Variants in EXOC6B observed in about 807,000 individuals in gnomAD.
EXOC6B encodes SEC15 homolog B.
In EXOC6B, 54 loss-of-function variants were observed where a neutral mutation model predicts 113.5. That is an observed-to-expected ratio of 0.48 (90% CI 0.38 to 0.60). The LOEUF (loss-of-function observed/expected upper bound fraction) is 0.60. Among genes scored for constraint, EXOC6B ranks in the 20% least tolerant of loss-of-function variants. The pLI, the probability that EXOC6B is intolerant of heterozygous loss-of-function variation, is 0.00. For synonymous variants in EXOC6B, 357 were observed against 339.0 expected (o/e 1.05, Z -0.58); for missense variants, 797 against 977.5 (o/e 0.82, Z 2.46).
intron 20 of EXOC6B, among the ~76,000 whole-genome samples, chr2:72,211,023 C>A (rs986300609): frequency 1.3e-5 from 2 of 152,184 alleles, no homozygotes; most frequent in African/African-American, 4.8e-5. Flanking sequence ...TCCCTCCAGG[C>A]AGCCACAGCT....
intron 20 of EXOC6B, among the ~76,000 whole-genome samples, chr2:72,329,157 T>C (rs1688296320): frequency 6.6e-6 from 1 of 152,086 alleles, no homozygotes; most frequent in African/African-American, 2.4e-5. Context: ...CCCTGCTACC[T>C]ACCCCCACAC....
chr2:72,330,711 G>C (rs1233929153), intron 20 of EXOC6B, among the ~76,000 whole-genome samples: 1 of 152,024 alleles, frequency 6.6e-6, no homozygotes, highest in Non-Finnish European at 1.5e-5. Context: ...CTCAACTAGA[G>C]TGTAAATTGG....
At chr2:72,752,155 C>G (rs1310914781) in intron 1 of EXOC6B, among the ~76,000 whole-genome samples, 1 of 152,128 alleles carries the variant, frequency 6.6e-6, no homozygotes, top group Non-Finnish European at 1.5e-5. Flanking sequence ...CTACAACTGC[C>G]TTTCACAATA....
At chr2:72,378,221 A>T (rs1691471681) in intron 19 of EXOC6B, among the ~76,000 whole-genome samples, 1 of 152,090 alleles carries the variant, frequency 6.6e-6, no homozygotes, top group South Asian at 2.1e-4. Flanking sequence ...TTTACCGAAG[A>T]CTCAAGGTCT....
intron 20 of EXOC6B, among the ~76,000 whole-genome samples, chr2:72,249,552 A>T (rs1026114932): frequency 3.3e-5 from 5 of 152,132 alleles, no homozygotes; most frequent in African/African-American, 1.2e-4. Flanking sequence ...TAGGAAAGAA[A>T]TTTTTTTGCA....
intron 8 of EXOC6B, among the ~76,000 whole-genome samples, chr2:72,524,150 TAAA>T (rs372964134): frequency 5.1e-5 from 6 of 116,742 alleles, no homozygotes; most frequent in African/African-American, 9.1e-5. Flanking sequence ...ATACAGAGTT[TAAA>T]AAAAAAAAAA....
intron 20 of EXOC6B, among the ~76,000 whole-genome samples, chr2:72,235,228 T>G (rs1162072507): frequency 6.6e-6 from 1 of 152,148 alleles, no homozygotes; most frequent in Non-Finnish European, 1.5e-5. Context: ...TAAAAAAGAA[T>G]GAGATCATGT....
Position 72,797,551 on chromosome 2 carries a change from C to T in EXOC6B, c.113+28247G>A, listed in dbSNP as rs544278822. ...ATATGTGGCCGGGTGCAATGGCTCA[C>T]GCCTGTAATCCCAGCACTTTGGGAG... On this transcript the variant is annotated intron_variant, in intron 1 of 21. Coordinates refer to ENST00000272427, the MANE Select transcript of EXOC6B (RefSeq NM_015189.3). 5.4e-4 allele frequency among the ~76,000 whole-genome samples: 82 copies of T among 152,294 alleles called. No homozygotes were observed. In the South Asian group the frequency reaches 0.016, roughly 29 times the overall value.
At chr2:72,634,077 T>C (rs1015989330) in intron 6 of EXOC6B, among the ~76,000 whole-genome samples, 4 of 150,624 alleles carry the variant, frequency 2.7e-5, no homozygotes, top group African/African-American at 9.8e-5. Context: ...AGGCAAAACA[T>C]TGGTAGCTTA....
At chr2:72,710,825 TC>T (rs1362479253) in intron 6 of EXOC6B, among the ~76,000 whole-genome samples, 2 of 152,214 alleles carry the variant, frequency 1.3e-5, no homozygotes, top group African/African-American at 4.8e-5. Context: ...AAGGGTCAGT[TC>T]TTTTAAAACC....
At chr2:72,400,528 T>C (rs1309441220) in intron 18 of EXOC6B, among the ~76,000 whole-genome samples, 1 of 151,990 alleles carries the variant, frequency 6.6e-6, no homozygotes, top group Non-Finnish European at 1.5e-5. Context: ...AGAAAATGTT[T>C]GCAAGCTATG....
chr2:72,234,071 G>A (rs922209743), intron 20 of EXOC6B, among the ~76,000 whole-genome samples: 2 of 150,332 alleles, frequency 1.3e-5, no homozygotes, highest in Non-Finnish European at 2.9e-5. Flanking sequence ...GAAGATTGAA[G>A]CTGGACCGCC....
At chr2:72,339,639 C>T (rs1688910769) in intron 19 of EXOC6B, among the ~76,000 whole-genome samples, 2 of 152,116 alleles carry the variant, frequency 1.3e-5, no homozygotes, top group South Asian at 4.1e-4. Flanking sequence ...TCCAAGCACG[C>T]ATGGTAGAAA....
intron 18 of EXOC6B, among the ~76,000 whole-genome samples, chr2:72,404,687 C>A (rs1443428295): frequency 1.3e-5 from 2 of 152,128 alleles, no homozygotes; most frequent in African/African-American, 4.8e-5. Context: ...GAAAGGACAT[C>A]CACACCAAAA....
At chr2:72,218,691 A>G (rs1175148537) in intron 20 of EXOC6B, among the ~76,000 whole-genome samples, 1 of 151,704 alleles carries the variant, frequency 6.6e-6, no homozygotes, top group Admixed American at 6.6e-5. Context: ...TTTGAGATGG[A>G]GTCTCGTTCT....
intron 16 of EXOC6B, among the ~76,000 whole-genome samples, chr2:72,484,681 A>G (rs1422595410): frequency 6.6e-6 from 1 of 150,950 alleles, no homozygotes; most frequent in African/African-American, 2.4e-5. Context: ...ACTCCCACTT[A>G]TGAGTGAGAA....
intron 18 of EXOC6B, among the ~76,000 whole-genome samples, chr2:72,445,720 C>T (rs1696534981): frequency 6.6e-6 from 1 of 152,150 alleles, no homozygotes; most frequent in East Asian, 1.9e-4. Context: ...GACCTGTCCC[C>T]ATGTTCCAAT....
chr2:72,249,744 T>A (rs1402269116), intron 20 of EXOC6B, among the ~76,000 whole-genome samples: 1 of 152,212 alleles, frequency 6.6e-6, no homozygotes, highest in African/African-American at 2.4e-5. Flanking sequence ...TCATTCCTGT[T>A]TTATGACAAG....
At chr2:72,623,064 G>A (rs761563010) in intron 6 of EXOC6B, among the ~76,000 whole-genome samples, 4 of 151,956 alleles carry the variant, frequency 2.6e-5, no homozygotes, top group Non-Finnish European at 5.9e-5. Flanking sequence ...TCTGGGTGCT[G>A]GTCAAATGGG....
Sources: gnomAD v4.1 joint callset for allele counts (sites outside exome capture counted in the v4.1 genomes callset) on GRCh38, gnomAD v4.1.1 for gene constraint, MANE v1.5 for transcripts, NCBI Gene and HGNC (gene_info 2026-07-23, HGNC 2026-07-21) for gene names.